The following SBNO2 variants were observed in gnomAD, a reference collection of about 807,000 sequenced individuals.
SBNO2 encodes the protein strawberry notch homolog 2.
A neutral mutation model predicts 146.3 loss-of-function variants in SBNO2; 89 were observed. The ratio of observed to expected loss-of-function variants is 0.61; its 90% confidence interval spans 0.51 to 0.73. The LOEUF (loss-of-function observed/expected upper bound fraction) is 0.73. SBNO2 is among the 30% of genes least tolerant of loss of function. SBNO2 has a pLI of 0.00. For synonymous variants in SBNO2, 1,147 were observed against 892.6 expected (o/e 1.29, Z -5.08); for missense variants, 2,092 against 2,003.7 (o/e 1.04, Z -0.84).
rs956365533 is a variant in SBNO2, at chr19:1,140,539, G to A, written c.279+6770C>T. Among the ~76,000 whole-genome samples the A allele has an allele frequency of 1.6e-4, 24 of 152,142 alleles. No individual in the cohort carries two copies. The highest frequency in any genetic ancestry group is 1.1e-3 in the Admixed American group (17 of 15,278). Reference sequence around the variant, plus strand: ...GGGCAAGGCACACACGTGACACCGCGGGAGCCCCGCAGCCCACGGTGGATG... The same window carrying A: ...GGGCAAGGCACACACGTGACACCGCAGGAGCCCCGCAGCCCACGGTGGATG... On this transcript the variant is annotated intron_variant, in intron 4 of 31. Transcript: ENST00000361757. The surrounding 1 kb of genome is among the most constrained non-coding windows in gnomAD (Gnocchi z 4.4).
chr19:1,115,770 C>A (rs1350660519), intron 17 of SBNO2: 1 of 569,270 alleles, frequency 1.8e-6, no homozygotes, highest in Non-Finnish European at 3.1e-6. Context: ...GTCCCGCCCC[C>A]CGGGTCTCGC....
chr19:1,110,700 C>G lies in SBNO2; in HGVS notation c.3028+45G>C. 1 of 1,606,870 alleles carries G rather than the reference C, an allele frequency of 6.2e-7. No individual in the cohort carries two copies. Among genetic ancestry groups the G allele is most frequent in the Non-Finnish European group, 8.5e-7 (1 of 1,175,554 alleles). ...AGGATGCATGGCGTTCCCACGAGCC[C>G]CGCACCCACACCCACCCACACCACA... On this transcript the variant is annotated intron_variant, in intron 26 of 31. Transcript: ENST00000361757. This position sits in a 1 kb window ranked among gnomAD's most constrained non-coding sequence, Gnocchi z 4.9.
chr19:1,108,677 C>T lies in SBNO2; in HGVS notation c.3644G>A (p.Arg1215His), dbSNP rs1330823543. 9 of 1,532,624 alleles carry T rather than the reference C, an allele frequency of 5.9e-6. No individual in the cohort carries two copies. The highest frequency in any genetic ancestry group is 3.9e-5 in the Admixed American group (2 of 50,756). The allele number at this position is 1,532,624 out of a possible 1,614,324, so 94.9% of individuals were successfully genotyped here. ...CAGCCGCAGCTCCTGCAGCACCCGGCGCACGCAGCCCTCGGGGATCTTGAT... is the reference window on the plus strand; with the variant it reads ...CAGCCGCAGCTCCTGCAGCACCCGGTGCACGCAGCCCTCGGGGATCTTGAT... Reference protein sequence around the residue: ...VGIKIPEGCVRRVLQELRLMD... With the variant: ...VGIKIPEGCVHRVLQELRLMD... Residue 1215 changes from arginine (R) to histidine (H), a missense_variant, in exon 32 of 32, where the codon CGC becomes CAC. Transcript: ENST00000361757.
intron 4 of SBNO2, among the ~76,000 whole-genome samples, chr19:1,133,101 C>T (rs1433715210): frequency 6.6e-6 from 1 of 152,202 alleles, no homozygotes; most frequent in East Asian, 1.9e-4. Context: ...TTCTCGGTGT[C>T]CTTGGAGGAG....
At chr19:1,143,726 T>C (rs142140337) in intron 4 of SBNO2, among the ~76,000 whole-genome samples, 1 of 152,180 alleles carries the variant, frequency 6.6e-6, no homozygotes, top group African/African-American at 2.4e-5. Context: ...CCTCCTCTCA[T>C]GAGGGCCCTG....
chr19:1,112,331 C>A lies in SBNO2; in HGVS notation c.2516-30G>T. The A allele has an allele frequency of 6.4e-7, 1 of 1,570,290 alleles. No individual in the cohort carries two copies. Among genetic ancestry groups the A allele is most frequent in the South Asian group, 1.2e-5 (1 of 86,446 alleles). Reference sequence around the variant, plus strand: ...GGGCAGAGCTGCTCTCAGGGCCCGGCCAGGCGGGGGCGGGGCCGAGACCAT... The same window carrying A: ...GGGCAGAGCTGCTCTCAGGGCCCGGACAGGCGGGGGCGGGGCCGAGACCAT... On this transcript the variant is annotated intron_variant, in intron 21 of 31. Transcript: ENST00000361757. This position sits in a 1 kb window ranked among gnomAD's most constrained non-coding sequence, Gnocchi z 5.9.
At position 1,154,321 on chromosome 19, in the gene SBNO2, G is replaced by A. The variant is rs1050908396; in HGVS notation, c.-45C>T. The A allele has an allele frequency of 4.4e-5, 50 of 1,128,014 alleles. No homozygotes were observed. The highest frequency in any genetic ancestry group is 2.2e-4 in the South Asian group (5 of 22,976). 69.9% of individuals were successfully genotyped at this position (1,128,014 alleles called of 1,614,324 possible). ...GGTCCTCGGCCGGGCAGCAGGCGGC[G>A]GGACTCCAGGACCCGGGGCCGCCGG... On this transcript the variant is annotated 5_prime_UTR_variant, in exon 2 of 32. Coordinates refer to ENST00000361757, the MANE Select transcript of SBNO2 (RefSeq NM_014963.3).
chr19:1,139,991 A>T (rs933274684), intron 4 of SBNO2, among the ~76,000 whole-genome samples: 1 of 149,926 alleles, frequency 6.7e-6, no homozygotes, highest in Non-Finnish European at 1.5e-5. Context: ...GACAGAAAAG[A>T]AAGAAAGAAA....
At position 1,122,667 on chromosome 19, in the gene SBNO2, T is replaced by A; in HGVS notation, c.905A>T (p.Lys302Ile). 6 of 1,523,562 alleles carry A rather than the reference T, an allele frequency of 3.9e-6. No homozygotes were observed. The highest frequency in any genetic ancestry group is 5.3e-6 in the Non-Finnish European group (6 of 1,139,446). The allele number at this position is 1,523,562 out of a possible 1,614,324, so 94.4% of individuals were successfully genotyped here. A position where few individuals can be genotyped will look rare whatever the true frequency, so the allele number is the denominator to read the frequency against. The change falls in exon 9 of 32, where the codon AAA becomes ATA. Residue 302 changes from lysine (K) to isoleucine (I), a missense_variant. Lys to Ile is a moderately radical substitution (Grantham distance 102). Transcript: ENST00000361757. The stretch of plus-strand genomic sequence containing the variant: ...CCAGGCAGGGCCTCACCACAATGCT[T>A]TCTTCCGGCCGCGCAGGTGGTTCTC... ...ILENHLRGRKKALWFSVSNDL... is the reference protein window; with the variant it reads ...ILENHLRGRKIALWFSVSNDL...
intron 1 of SBNO2, among the ~76,000 whole-genome samples, chr19:1,155,325 G>A (rs2080280548): frequency 6.6e-6 from 1 of 152,224 alleles, no homozygotes; most frequent in South Asian, 2.1e-4. Flanking sequence ...ACAGTGGCCG[G>A]GCAACAGGGG....
In SBNO2 at chr19:1,108,230, GC is replaced by G. The variant is rs1468968543; in HGVS notation, c.4090del (p.Ala1364LeufsTer21). ...QFSPPFPGAQ[A>X]PL ...TCGCCTAAAGGCGTGTCAGAGAGGAGCCTGGGCGCCGGGGAAGGGTGGGCTG... is the reference window on the plus strand; with the variant it reads ...TCGCCTAAAGGCGTGTCAGAGAGGAGCTGGGCGCCGGGGAAGGGTGGGCTG... On this transcript the variant is annotated frameshift_variant, in exon 32 of 32. Coordinates refer to ENST00000361757, the MANE Select transcript of SBNO2 (RefSeq NM_014963.3). LOFTEE classifies it high-confidence loss of function. 3 of 1,527,230 alleles carry G rather than the reference GC, an allele frequency of 2.0e-6. No homozygotes were observed. Among genetic ancestry groups the G allele is most frequent in the Non-Finnish European group, 2.6e-6 (3 of 1,135,328 alleles). The allele number at this position is 1,527,230 out of a possible 1,614,324, so 94.6% of individuals were successfully genotyped here.
At position 1,174,206 on chromosome 19, in the gene SBNO2, G is replaced by A. The variant is rs898735584; in HGVS notation, c.-161C>T. On this transcript the variant is annotated 5_prime_UTR_variant, in exon 1 of 32. Transcript: ENST00000361757. Reference sequence around the variant, plus strand: ...GGGTCCGGCCGGGCGCGGAGCCCGCGGCGCCTGTTTCTCCGAGCCTCGCAG... The same window carrying A: ...GGGTCCGGCCGGGCGCGGAGCCCGCAGCGCCTGTTTCTCCGAGCCTCGCAG... The A allele has an allele frequency of 6.6e-6, 1 of 151,904 alleles. No homozygotes were observed. The highest frequency in any genetic ancestry group is 6.6e-5 in the Admixed American group (1 of 15,266). 9.4% of individuals were successfully genotyped at this position (151,904 alleles called of 1,614,324 possible).
chr19:1,164,073 C>A (rs1357723618), intron 1 of SBNO2, among the ~76,000 whole-genome samples: 1 of 152,224 alleles, frequency 6.6e-6, no homozygotes, highest in African/African-American at 2.4e-5. Context: ...CTCAGGCCCG[C>A]GGCCATCACG....
chr19:1,153,241 T>G (rs1048171551), intron 2 of SBNO2, among the ~76,000 whole-genome samples: 1 of 151,402 alleles, frequency 6.6e-6, no homozygotes, highest in Non-Finnish European at 1.5e-5. Flanking sequence ...TTTAAAAATT[T>G]TTTTTTTTCT....
At position 1,109,761 on chromosome 19, in the gene SBNO2, G is replaced by C. The variant is rs769615540; in HGVS notation, c.3045C>G (p.Ile1015Met). Residue 1015 changes from isoleucine (I) to methionine (M), a missense_variant, in exon 27 of 32, where the codon ATC (isoleucine) becomes ATG (methionine). Physicochemically the swap from Ile to Met is conservative, Grantham distance 10 (BLOSUM62 1). Transcript: ENST00000361757. This position sits in a 1 kb window ranked among gnomAD's most constrained non-coding sequence, Gnocchi z 4.2. ...DMGILDLAPG[I>M]EEIYEESQQV... is the part of the protein sequence containing the mutation. ...GCTGGCTCTCCTCGTAGATCTCCTC[G>C]ATACCGGGAGCAAGGTCTAGGGGGG... 9.0e-6 allele frequency: 14 copies of C among 1,547,796 alleles called. No homozygotes were observed. The highest frequency in any genetic ancestry group is 2.3e-5 in the South Asian group (2 of 88,624).
In SBNO2 at chr19:1,150,400, A is replaced by G. The variant is rs2080231299; in HGVS notation, c.94-958T>C. 6.6e-6 allele frequency among the ~76,000 whole-genome samples: 1 copy of G among 151,924 alleles called. No individual in the cohort carries two copies. Among genetic ancestry groups the G allele is most frequent in the African/African-American group, 2.4e-5 (1 of 41,346 alleles). The stretch of plus-strand genomic sequence containing the variant: ...CCCTCAGCAGGGCCCCCACCTGCAC[A>G]GGGCCAACCTCACCTGCAGCAGAGA... On this transcript the variant is annotated intron_variant, in intron 2 of 31. Coordinates refer to ENST00000361757, the MANE Select transcript of SBNO2 (RefSeq NM_014963.3). The surrounding 1 kb of genome is among the most constrained non-coding windows in gnomAD (Gnocchi z 6.2).
chr19:1,147,710 G>C (rs7508137), intron 3 of SBNO2, among the ~76,000 whole-genome samples: 3 of 151,972 alleles, frequency 2.0e-5, no homozygotes, highest in Non-Finnish European at 4.4e-5. Flanking sequence ...CGCCCTCCCC[G>C]CTCCATCAGC....
chr19:1,156,386 G>A (rs79724352), intron 1 of SBNO2, among the ~76,000 whole-genome samples: 7,913 of 152,160 alleles, frequency 0.052, 369 homozygotes, highest in East Asian at 0.25. Flanking sequence ...AGAACAATGC[G>A]GACACCAGGC....
chr19:1,154,524 G>C, intron 1 of SBNO2, 122 bp from the exon 2 acceptor site: 1 of 368,556 alleles, frequency 2.7e-6, no homozygotes, highest in Non-Finnish European at 4.8e-6. Context: ...TACCTCCTGG[G>C]CCGGAACCAA....
Sources: gnomAD v4.1 joint callset for allele counts (sites outside exome capture counted in the v4.1 genomes callset) on GRCh38, gnomAD v4.1.1 for gene constraint, Gnocchi (gnomAD v3.1) non-coding constraint, MANE v1.5 for transcripts, NCBI Gene and HGNC (gene_info 2026-07-23, HGNC 2026-07-21) for gene names.